The following SRPK2 variants were observed in gnomAD, a reference collection of about 807,000 sequenced individuals.
SRPK2 encodes SRSF protein kinase 2.
A neutral mutation model predicts 90.8 loss-of-function variants in SRPK2; 21 were observed. The ratio of observed to expected loss-of-function variants is 0.23; its 90% CI spans 0.16 to 0.33. The LOEUF is 0.33. SRPK2 is among the 10% of genes least tolerant of loss of function. The probability of loss-of-function intolerance (pLI) is 1.00; values close to 1 mark genes in which losing one functional copy is unlikely to be tolerated. For missense variants in SRPK2, 620 were observed against 869.0 expected, an observed-to-expected ratio of 0.71 and a Z score of 3.60; for synonymous variants, 288 against 311.1, an observed-to-expected ratio of 0.93 and a Z score of 0.78.
upstream of SRPK2, among the ~76,000 whole-genome samples, chr7:105,392,808 T>G (rs533982433): frequency 1.3e-5 from 2 of 151,164 alleles, no homozygotes; most frequent in Non-Finnish European, 2.9e-5. Flanking sequence ...TTAAGTGATA[T>G]TCTTTTTTTC....
chr7:105,330,164 C>T (rs1251916438), intron 2 of SRPK2, among the ~76,000 whole-genome samples: 1 of 151,856 alleles, frequency 6.6e-6, no homozygotes, highest in Non-Finnish European at 1.5e-5. Flanking sequence ...ACGGTGAAAC[C>T]CCATCTCTAC....
chr7:105,268,744 T>A lies in SRPK2; in HGVS notation c.72-64959A>T. 5 of 1,528,722 alleles carry A rather than the reference T, an allele frequency of 3.3e-6. No homozygotes were observed. The South Asian group carries it at 3.6e-5, about 11-fold the overall frequency. The allele number at this position is 1,528,722 out of a possible 1,614,324, so 94.7% of individuals were successfully genotyped here. A position where few individuals can be genotyped will look rare whatever the true frequency, so the allele number is the denominator to read the frequency against. ...AAACTTGACAAGAAAAAAAAATATG[T>A]CCTGGTTTGTTTCTTAGCAATGCTA... On this transcript the variant is annotated intron_variant, in intron 2 of 15. Coordinates refer to ENST00000393651, the MANE Select transcript of SRPK2 (RefSeq NM_182692.3).
chr7:105,280,059 T>TATAAA (rs1360843418), intron 2 of SRPK2, among the ~76,000 whole-genome samples: 20 of 152,162 alleles, frequency 1.3e-4, no homozygotes, highest in Admixed American at 6.5e-4. Context: ...AGAGACAGTT[T>TATAAA]TTTCATACCA....
intron 2 of SRPK2, among the ~76,000 whole-genome samples, chr7:105,352,624 G>C (rs141643574): frequency 9.8e-5 from 15 of 152,354 alleles, no homozygotes; most frequent in African/African-American, 3.6e-4. Flanking sequence ...TAGGGGCTGG[G>C]TGTGGTGGCT....
chr7:105,263,757 A>G (rs563092937), intron 2 of SRPK2, among the ~76,000 whole-genome samples: 1 of 152,148 alleles, frequency 6.6e-6, no homozygotes, highest in Admixed American at 6.5e-5. Flanking sequence ...CACAAAACAA[A>G]CAAACAAAAA....
chr7:105,244,867 T>G, intron 2 of SRPK2: 1 of 1,250,406 alleles, frequency 8.0e-7, no homozygotes, highest in Non-Finnish European at 1.2e-6. Context: ...GTCCTCAAGT[T>G]CATCAAGAAA....
intron 2 of SRPK2, among the ~76,000 whole-genome samples, chr7:105,227,083 A>G (rs890727550): frequency 2.6e-5 from 4 of 152,220 alleles, no homozygotes; most frequent in Non-Finnish European, 4.4e-5. Context: ...TGGGGACCAT[A>G]AAACACTGCT....
At chr7:105,160,763 G>A in intron 6 of SRPK2, 150 bp from the exon 7 acceptor site, 1 of 565,672 alleles carries the variant, frequency 1.8e-6, no homozygotes, top group Non-Finnish European at 3.2e-6. Context: ...AGAAAATGTT[G>A]TATCTCACTT....
chr7:105,153,639 C>G (rs1806077286), intron 7 of SRPK2, among the ~76,000 whole-genome samples: 1 of 152,160 alleles, frequency 6.6e-6, no homozygotes, highest in Admixed American at 6.5e-5. Context: ...GAGCAACTTT[C>G]CAAATTATGC....
chr7:105,369,443 C>T (rs773178606), intron 2 of SRPK2, among the ~76,000 whole-genome samples: 4 of 151,926 alleles, frequency 2.6e-5, no homozygotes, highest in African/African-American at 7.3e-5. Context: ...CCACTGTGCC[C>T]GGCCTACACA....
In SRPK2 at chr7:105,132,833, C is replaced by T. The variant is rs927386267; in HGVS notation, c.1710G>A (p.Ala570=). ...AGATGTCCGCAGGGGTGCTGTACCC[C>T]GCTCCTATTAAAACCTCTATGGAGC... The part of the protein sequence containing the change: ...QYRSIEVLIG[A]GYSTPADIWS... Residue 570 remains alanine (A), a synonymous_variant, in exon 13 of 16, where the codon GCG becomes GCA. Transcript: ENST00000393651. 6.2e-6 allele frequency: 10 copies of T among 1,610,320 alleles called. No individual in the cohort carries two copies. In the East Asian group the frequency reaches 1.1e-4, roughly 18 times the overall value.
At chr7:105,289,993 C>T (rs771003998) in intron 2 of SRPK2, among the ~76,000 whole-genome samples, 87 of 151,940 alleles carry the variant, frequency 5.7e-4, no homozygotes, top group Non-Finnish European at 3.1e-4. Flanking sequence ...AGACAGAGTA[C>T]AGGTCAGTGG....
At chr7:105,209,326 A>G (rs1435072281) in intron 2 of SRPK2, among the ~76,000 whole-genome samples, 4 of 151,600 alleles carry the variant, frequency 2.6e-5, no homozygotes, top group East Asian at 2.0e-4. Flanking sequence ...CACAGTGGGT[A>G]TATCAGTTGA....
intron 2 of SRPK2, among the ~76,000 whole-genome samples, chr7:105,228,126 C>A (rs1395980393): frequency 6.6e-6 from 1 of 152,122 alleles, no homozygotes; most frequent in African/African-American, 2.4e-5. Context: ...ACTGCAACCT[C>A]CATCTCTTGG....
At chr7:105,216,012 C>T (rs191970810) in intron 2 of SRPK2, among the ~76,000 whole-genome samples, 5 of 149,378 alleles carry the variant, frequency 3.3e-5, no homozygotes, top group African/African-American at 1.2e-4. Flanking sequence ...GCCACGATCA[C>T]ACCTGTAAAT....
chr7:105,229,957 C>T (rs552034638), intron 2 of SRPK2, among the ~76,000 whole-genome samples: 5 of 152,198 alleles, frequency 3.3e-5, no homozygotes, highest in Non-Finnish European at 5.9e-5. Flanking sequence ...TTAATCACAC[C>T]GGAAGGTTTC....
chr7:105,119,851 G>A (rs1800076692), intron 15 of SRPK2, among the ~76,000 whole-genome samples: 1 of 152,152 alleles, frequency 6.6e-6, no homozygotes, highest in South Asian at 2.1e-4. Context: ...AAATTACGAA[G>A]AGCCAGTAAT....
At chr7:105,254,296 C>T (rs1028221048) in intron 2 of SRPK2, among the ~76,000 whole-genome samples, 1 of 152,256 alleles carries the variant, frequency 6.6e-6, no homozygotes, top group Admixed American at 6.5e-5. Flanking sequence ...GTCATCTATA[C>T]GACATTCAGA....
Position 105,163,760 on chromosome 7 carries a change from G to A in SRPK2, c.515-3147C>T, listed in dbSNP as rs931139469. On this transcript the variant is annotated intron_variant, in intron 6 of 15. Transcript: ENST00000393651. The stretch of plus-strand genomic sequence containing the variant: ...CGGGAGGCGGAGGTTGTGCTGAGCC[G>A]TGACTGCACCATTGCACTCCAGCCT... Among the ~76,000 whole-genome samples, 9 of 152,286 alleles carry A rather than the reference G, an allele frequency of 5.9e-5. No homozygotes were observed. The East Asian group carries it at 7.7e-4, about 13-fold the overall frequency.
Sources: gnomAD v4.1 joint callset for allele counts (sites outside exome capture counted in the v4.1 genomes callset) on GRCh38, gnomAD v4.1.1 for gene constraint, MANE v1.5 for transcripts, NCBI Gene and HGNC (gene_info 2026-07-23, HGNC 2026-07-21) for gene names.